The following ELL variants were observed in gnomAD, a reference collection of about 807,000 sequenced individuals.
ELL encodes the protein elongation factor for RNA polymerase II.
A neutral mutation model predicts 64.0 loss-of-function variants in ELL; 18 were observed. The ratio of observed to expected loss-of-function variants is 0.28; its 90% confidence interval spans 0.19 to 0.42. The LOEUF (loss-of-function observed/expected upper bound fraction) is 0.42. ELL is among the 10% of genes least tolerant of loss of function. ELL has a pLI of 1.00. For synonymous variants in ELL, 399 were observed against 376.2 expected (o/e 1.06, Z -0.70); for missense variants, 797 against 870.4 (o/e 0.92, Z 1.06).
chr19:18,455,219 A>G (rs1974638159), intron 6 of ELL, among the ~76,000 whole-genome samples: 2 of 151,792 alleles, frequency 1.3e-5, no homozygotes, highest in South Asian at 2.1e-4. Context: ...TAGGCCAGGC[A>G]CAGTGGATCA....
chr19:18,494,249 G>A (rs2144957434), intron 1 of ELL, among the ~76,000 whole-genome samples: 1 of 151,842 alleles, frequency 6.6e-6, no homozygotes, highest in African/African-American at 2.4e-5. Context: ...AAAAAGAGGG[G>A]AGGGGAAGGG....
intron 1 of ELL, among the ~76,000 whole-genome samples, chr19:18,499,586 C>T (rs1028731048): frequency 3.3e-5 from 5 of 152,208 alleles, no homozygotes; most frequent in African/African-American, 7.2e-5. Flanking sequence ...CTCAGCCCAC[C>T]GTGTGGCTGT....
chr19:18,443,319 C>G lies in ELL; in HGVS notation c.*1433G>C, dbSNP rs865784704. 2.6e-5 allele frequency: 6 copies of G among 233,342 alleles called. No homozygotes were observed. Among genetic ancestry groups the G allele is most frequent in the Middle Eastern group, 2.6e-3 (2 of 782 alleles). 14.5% of individuals were successfully genotyped at this position (233,342 alleles called of 1,614,324 possible). ...GAGACTCTCGGGCAGGGGTGGGATA[C>G]ACTGTGGGCCCTCCACAGTCAGCTC... On this transcript the variant is annotated 3_prime_UTR_variant, in exon 12 of 12. Transcript: ENST00000262809.
intron 1 of ELL, among the ~76,000 whole-genome samples, chr19:18,498,760 G>C (rs1244939188): frequency 1.3e-5 from 2 of 152,144 alleles, no homozygotes; most frequent in Non-Finnish European, 2.9e-5. Flanking sequence ...GACCAGCCTG[G>C]ACAACATGGT....
At chr19:18,507,680 T>C (rs1421211467) in intron 1 of ELL, among the ~76,000 whole-genome samples, 1 of 152,220 alleles carries the variant, frequency 6.6e-6, no homozygotes, top group Non-Finnish European at 1.5e-5. Context: ...CTCCTGCTTC[T>C]TACTGGAGAA....
chr19:18,496,095 G>A (rs564987850), intron 1 of ELL, among the ~76,000 whole-genome samples: 3 of 152,306 alleles, frequency 2.0e-5, no homozygotes, highest in South Asian at 4.1e-4. Flanking sequence ...ACAACCTCCC[G>A]GACAGATGGG....
At chr19:18,515,621 T>A (rs1217251616) in intron 1 of ELL, among the ~76,000 whole-genome samples, 1 of 152,172 alleles carries the variant, frequency 6.6e-6, no homozygotes, top group African/African-American at 2.4e-5. Context: ...TAGGTGCCCA[T>A]CACCTTTCCA....
Position 18,445,260 on chromosome 19 carries a change from T to A in ELL, c.1713A>T (p.Arg571=), listed in dbSNP as rs758528774. 6.2e-7 allele frequency: 1 copy of A among 1,613,842 alleles called. No individual in the cohort carries two copies. The highest frequency in any genetic ancestry group is 1.1e-5 in the South Asian group (1 of 91,080). ...TTCGATATTCCTGCAAAATCTGCCC[T>A]CGAGTAGTCTAGAAGAAAAACAAAA... ...SQGSEEYETT[R]GQILQEYRKI... is the part of the protein sequence containing the mutation. Residue 571 remains arginine (R), a synonymous_variant, in exon 11 of 12, where the codon CGA becomes CGT. Coordinates refer to ENST00000262809, the MANE Select transcript of ELL (RefSeq NM_006532.4).
Position 18,444,062 on chromosome 19 carries a change from G to T in ELL, c.*690C>A, listed in dbSNP as rs1036730886. 23 of 231,564 alleles carry T rather than the reference G, an allele frequency of 9.9e-5. No individual in the cohort carries two copies. The highest frequency in any genetic ancestry group is 2.0e-4 in the Non-Finnish European group (23 of 117,086). The allele number at this position is 231,564 out of a possible 1,614,324, so 14.3% of individuals were successfully genotyped here. ...GGCCTGGGGGCGCTGAAAGCCCTCTGCCCCCTTGGCTCTGAGCAGCTGTCT... is the reference window on the plus strand; with the variant it reads ...GGCCTGGGGGCGCTGAAAGCCCTCTTCCCCCTTGGCTCTGAGCAGCTGTCT... On this transcript the variant is annotated 3_prime_UTR_variant, in exon 12 of 12. Transcript: ENST00000262809.
intron 1 of ELL, among the ~76,000 whole-genome samples, chr19:18,509,637 A>G (rs1329568951): frequency 1.5e-4 from 20 of 131,290 alleles, no homozygotes; most frequent in African/African-American, 5.9e-4. Flanking sequence ...ACACACACAC[A>G]CACACACACA....
intron 1 of ELL, among the ~76,000 whole-genome samples, chr19:18,504,823 C>T (rs1273100892): frequency 5.3e-5 from 8 of 152,158 alleles, no homozygotes; most frequent in Admixed American, 5.2e-4. Flanking sequence ...GGACACTCTC[C>T]ACGGAGCCCT....
Position 18,446,449 on chromosome 19 carries a change from G to A in ELL, c.1564C>T (p.Arg522Cys), listed in dbSNP as rs758636936. ...TTGAAGTCGTTCTTGTAGCTCTGGC[G>A]CTGCTCCGAAGAGGAGATGGCTGCG... ...KYAAISSSEQ[R>C]QSYKNDFNAE... is the part of the protein sequence containing the mutation. The change falls in exon 10 of 12, where the codon CGC (arginine) becomes TGC (cysteine). Residue 522 changes from arginine to cysteine, a missense_variant. Arg to Cys is a radical substitution (Grantham distance 180). Transcript: ENST00000262809. 10 of 1,612,678 alleles carry A rather than the reference G, an allele frequency of 6.2e-6. No individual in the cohort carries two copies. The highest frequency in any genetic ancestry group is 1.3e-5 in the African/African-American group (1 of 74,938).
intron 1 of ELL, among the ~76,000 whole-genome samples, chr19:18,511,160 G>A (rs904410141): frequency 7.2e-5 from 11 of 152,080 alleles, no homozygotes; most frequent in African/African-American, 1.4e-4. Context: ...CCAGCTACTC[G>A]GGAGGCTGAG....
rs370735358 is a variant in ELL at position 18,462,335 on chromosome 19, C to CTG, written c.470-485_470-484dup. Among the ~76,000 whole-genome samples the CTG allele has an allele frequency of 9.6e-3, 626 of 64,970 alleles. 26 individuals carry two copies. Among genetic ancestry groups the CTG allele is most frequent in the East Asian group, 0.03 (78 of 2,588 alleles). 42.6% of individuals were successfully genotyped at this position (64,970 alleles called of 152,430 possible). A position where few individuals can be genotyped will look rare whatever the true frequency, so the allele number is the denominator to read the frequency against. On this transcript the variant is annotated intron_variant, in intron 4 of 11. Transcript: ENST00000262809. ...GAAATCACCTGATCACTCTAGTGGG[C>CTG]TGTGTGTGTGTGTGTGTGTGTGTGT...
chr19:18,509,595 A>ACGCGCGCGCGCG (rs1975967675), intron 1 of ELL, among the ~76,000 whole-genome samples: 1 of 38,192 alleles, frequency 2.6e-5, no homozygotes, highest in South Asian at 8.3e-4. Context: ...GCGCGCGCGC[A>ACGCGCGCGCGCG]CATACACACA....
chr19:18,469,354 A>T (rs984613611), intron 2 of ELL, among the ~76,000 whole-genome samples: 3 of 152,194 alleles, frequency 2.0e-5, no homozygotes, highest in Non-Finnish European at 2.9e-5. Flanking sequence ...AATGGTTACC[A>T]GCCCGGGACC....
intron 1 of ELL, among the ~76,000 whole-genome samples, chr19:18,493,556 C>A (rs1286188098): frequency 1.3e-5 from 2 of 152,268 alleles, no homozygotes; most frequent in African/African-American, 2.4e-5. Context: ...GGTGTACTCT[C>A]AACCTCTGAC....
chr19:18,494,580 AG>A (rs775460424), intron 1 of ELL, among the ~76,000 whole-genome samples: 9 of 152,088 alleles, frequency 5.9e-5, no homozygotes, highest in African/African-American at 1.9e-4. Flanking sequence ...TAGTAGAGAC[AG>A]GGTTTTGCCG....
intron 1 of ELL, among the ~76,000 whole-genome samples, chr19:18,473,631 A>T (rs1450853439): frequency 6.6e-6 from 1 of 152,234 alleles, no homozygotes; most frequent in African/African-American, 2.4e-5. Context: ...TCAGCTATTC[A>T]GAGACCAGCC....
Sources: gnomAD v4.1 joint callset for allele counts (sites outside exome capture counted in the v4.1 genomes callset) on GRCh38, gnomAD v4.1.1 for gene constraint, MANE v1.5 for transcripts, NCBI Gene and HGNC (gene_info 2026-07-23, HGNC 2026-07-21) for gene names.